Variants in TRPC1 observed in about 807,000 individuals in gnomAD.
TRPC1 encodes the protein short transient receptor potential channel 1.
Under a neutral mutation model 88.2 loss-of-function variants are expected in TRPC1, and 42 were observed. The ratio of observed to expected loss-of-function variants is 0.48; its 90% CI spans 0.37 to 0.62. The LOEUF is 0.62. TRPC1 is among the 20% of genes least tolerant of loss of function. The pLI, the probability that TRPC1 is intolerant of heterozygous loss-of-function variation, is 0.00. For missense variants in TRPC1, 699 were observed against 957.3 expected, an observed-to-expected ratio of 0.73 and a Z score of 3.56; for synonymous variants, 288 against 331.8, an observed-to-expected ratio of 0.87 and a Z score of 1.43.
intron 1 of TRPC1, among the ~76,000 whole-genome samples, chr3:142,733,171 TTTTC>T (rs1053235869): frequency 6.6e-6 from 1 of 152,194 alleles, no homozygotes; most frequent in African/African-American, 2.4e-5. Context: ...TTTTTAGGGA[TTTTC>T]TTTCTTTCTT....
intron 5 of TRPC1, among the ~76,000 whole-genome samples, chr3:142,778,567 C>T (rs984398718): frequency 1.3e-5 from 2 of 152,134 alleles, no homozygotes; most frequent in African/African-American, 4.8e-5. Flanking sequence ...CCCTGTTGCC[C>T]TCTAAAGAAG....
chr3:142,745,097 G>A (rs1475352769), intron 3 of TRPC1, among the ~76,000 whole-genome samples: 1 of 152,192 alleles, frequency 6.6e-6, no homozygotes, highest in African/African-American at 2.4e-5. Flanking sequence ...GTACCATCTA[G>A]TTTAAGTGGT....
Position 142,724,761 on chromosome 3 carries a change from C to T in TRPC1, c.172+30C>T, listed in dbSNP as rs375981178. 5.2e-5 allele frequency: 80 copies of T among 1,525,814 alleles called. No individual in the cohort carries two copies. Among genetic ancestry groups the T allele is most frequent in the Middle Eastern group, 1.8e-4 (1 of 5,650 alleles). 94.5% of individuals were successfully genotyped at this position (1,525,814 alleles called of 1,614,324 possible). ...GAGTTAGGCCCCTTTCTCCTCTGGA[C>T]GCCCCTGTCCTCCAGACCTTTAGTC... On this transcript the variant is annotated intron_variant, in intron 1 of 12. Coordinates refer to ENST00000476941, the MANE Select transcript of TRPC1 (RefSeq NM_001251845.2). The surrounding 1 kb of genome is among the most constrained non-coding windows in gnomAD (Gnocchi z 5.6).
At chr3:142,782,765 G>T (rs892475285) in intron 6 of TRPC1, among the ~76,000 whole-genome samples, 2 of 152,180 alleles carry the variant, frequency 1.3e-5, no homozygotes, top group Admixed American at 1.3e-4. Context: ...CCAAGGAGAG[G>T]CATGGCCATC....
chr3:142,727,605 A>G lies in TRPC1; in HGVS notation c.172+2874A>G, dbSNP rs1178856402. ...GGGTGAGGATCATCTCAGAGGTAAC[A>G]TTGAATCCTTTCTTTGTAAAGGAAA... On this transcript the variant is annotated intron_variant, in intron 1 of 12. Transcript: ENST00000476941. Among the ~76,000 whole-genome samples the G allele has an allele frequency of 2.0e-5, 3 of 152,218 alleles. No individual in the cohort carries two copies. The East Asian group carries it at 5.8e-4, about 29-fold the overall frequency.
Position 142,784,739 on chromosome 3 carries a change from C to T in TRPC1, c.996C>T (p.Asn332=), listed in dbSNP as rs1936077538. ...VSQSNCQQFL[N]TVWFGQMSGY... ...AGTCTAACTGCCAGCAGTTCCTGAA[C>T]ACTGTTTGGTTTGGACAGATGTCGG... is the stretch of plus-strand genomic sequence containing the variant. Residue 332 remains asparagine (N), a synonymous_variant, in exon 7 of 13, where the codon AAC becomes AAT. Transcript: ENST00000476941. 1 of 1,613,698 alleles carries T rather than the reference C, an allele frequency of 6.2e-7. No individual in the cohort carries two copies. The highest frequency in any genetic ancestry group is 8.5e-7 in the Non-Finnish European group (1 of 1,179,868).
At position 142,728,842 on chromosome 3, in the gene TRPC1, G is replaced by C. The variant is rs75660417; in HGVS notation, c.172+4111G>C. Reference sequence around the variant, plus strand: ...AGAGATTTTGAAGTCTGGTATTAGAGAGGATGGTGGTGGGAAGAAACAAAA... The same window carrying C: ...AGAGATTTTGAAGTCTGGTATTAGACAGGATGGTGGTGGGAAGAAACAAAA... On this transcript the variant is annotated intron_variant, in intron 1 of 12. Transcript: ENST00000476941. Among the ~76,000 whole-genome samples, 620 of 152,264 alleles carry C rather than the reference G, an allele frequency of 4.1e-3. 5 individuals carry two copies. The highest frequency in any genetic ancestry group is 0.014 in the African/African-American group (577 of 41,546).
At position 142,767,909 on chromosome 3, in the gene TRPC1, A is replaced by G. The variant is rs1177251162; in HGVS notation, c.633-9723A>G. Among the ~76,000 whole-genome samples the G allele has an allele frequency of 8.0e-6, 1 of 125,140 alleles. No homozygotes were observed. The highest frequency in any genetic ancestry group is 4.7e-5 in the African/African-American group (1 of 21,328). The allele number at this position is 125,140 out of a possible 152,430, so 82.1% of individuals were successfully genotyped here. On this transcript the variant is annotated intron_variant, in intron 4 of 12. Coordinates refer to ENST00000476941, the MANE Select transcript of TRPC1 (RefSeq NM_001251845.2). This position sits in a 1 kb window ranked among gnomAD's most constrained non-coding sequence, Gnocchi z 5.1. Reference sequence around the variant, plus strand: ...TTTTTTATTGATGAATTGTGTGTGTATGTTTTTTTTTTAACTTTTCTGATG... The same window carrying G: ...TTTTTTATTGATGAATTGTGTGTGTGTGTTTTTTTTTTAACTTTTCTGATG...
intron 1 of TRPC1, among the ~76,000 whole-genome samples, chr3:142,734,303 G>A (rs1934040707): frequency 2.6e-5 from 4 of 152,102 alleles, no homozygotes; most frequent in Admixed American, 2.6e-4. Flanking sequence ...GAAAATAAGA[G>A]AGTTGGAAAG....
chr3:142,730,986 G>A (rs1471482866), intron 1 of TRPC1, among the ~76,000 whole-genome samples: 2 of 152,190 alleles, frequency 1.3e-5, no homozygotes, highest in Admixed American at 6.5e-5. Context: ...ATGCTAATGA[G>A]GAAGAGGTGG....
intron 1 of TRPC1, among the ~76,000 whole-genome samples, chr3:142,726,644 G>C (rs528852600): frequency 6.6e-6 from 1 of 151,936 alleles, no homozygotes; most frequent in Non-Finnish European, 1.5e-5. Context: ...ATACTTATGG[G>C]GTACATTTAC....
At chr3:142,798,827 G>A (rs1488517856) in intron 9 of TRPC1, among the ~76,000 whole-genome samples, 1 of 152,186 alleles carries the variant, frequency 6.6e-6, no homozygotes, top group African/African-American at 2.4e-5. Flanking sequence ...ACTAGAAGTT[G>A]TGATTATTAT....
At chr3:142,751,115 G>A (rs1056702932) in intron 4 of TRPC1, among the ~76,000 whole-genome samples, 3 of 152,198 alleles carry the variant, frequency 2.0e-5, no homozygotes, top group South Asian at 4.1e-4. Flanking sequence ...GTTTAATTTA[G>A]TATTAAAGAA....
At chr3:142,760,405 T>C (rs1935142982) in intron 4 of TRPC1, among the ~76,000 whole-genome samples, 1 of 152,128 alleles carries the variant, frequency 6.6e-6, no homozygotes, top group Non-Finnish European at 1.5e-5. Flanking sequence ...TGCATGGACT[T>C]ATATGTGGGT....
At chr3:142,770,823 CTG>C (rs1422545722) in intron 4 of TRPC1, among the ~76,000 whole-genome samples, 1 of 152,120 alleles carries the variant, frequency 6.6e-6, no homozygotes, top group African/African-American at 2.4e-5. Context: ...ATTTATAAGA[CTG>C]TTTGCATTGT....
In TRPC1 at chr3:142,776,508, A is replaced by C. The variant is rs1935776302; in HGVS notation, c.633-1124A>C. On this transcript the variant is annotated intron_variant, in intron 4 of 12. Transcript: ENST00000476941. This position sits in a 1 kb window ranked among gnomAD's most constrained non-coding sequence, Gnocchi z 4.1. ...CAAAGGGAGTGCTTTTTTACATTAC[A>C]GACTGTGCATAAGTAAATGATTTCA... Among the ~76,000 whole-genome samples the C allele has an allele frequency of 2.0e-5, 3 of 152,314 alleles. No homozygotes were observed. The highest frequency in any genetic ancestry group is 4.1e-4 in the South Asian group (2 of 4,830).
chr3:142,796,403 AC>A (rs1280990010), intron 9 of TRPC1, among the ~76,000 whole-genome samples: 4 of 152,112 alleles, frequency 2.6e-5, no homozygotes, highest in Admixed American at 2.6e-4. Context: ...TTTTACACTG[AC>A]AGTTGGATAA....
chr3:142,785,979 A>G (rs1489956494), intron 7 of TRPC1, among the ~76,000 whole-genome samples: 1 of 152,308 alleles, frequency 6.6e-6, no homozygotes, highest in East Asian at 1.9e-4. Context: ...ATTCCTGAAA[A>G]TTATTTTTAT....
At chr3:142,730,790 T>C (rs986884182) in intron 1 of TRPC1, among the ~76,000 whole-genome samples, 1 of 152,182 alleles carries the variant, frequency 6.6e-6, no homozygotes, top group Non-Finnish European at 1.5e-5. Flanking sequence ...TTAAGCATCA[T>C]TGGTAATATT....
Sources: gnomAD v4.1 joint callset for allele counts (sites outside exome capture counted in the v4.1 genomes callset) on GRCh38, gnomAD v4.1.1 for gene constraint, Gnocchi (gnomAD v3.1) non-coding constraint, MANE v1.5 for transcripts, NCBI Gene and HGNC (gene_info 2026-07-23, HGNC 2026-07-21) for gene names.